Variants in TMEM132B observed in about 807,000 individuals in gnomAD.
TMEM132B encodes transmembrane protein 132B.
In TMEM132B, 18 loss-of-function variants were observed where a neutral mutation model predicts 90.8. The observed-to-expected ratio is 0.20, with a 90% CI of 0.14 to 0.29. The LOEUF is 0.29. TMEM132B is among the 10% of genes least tolerant of loss of function. TMEM132B has a pLI of 1.00. For synonymous variants in TMEM132B, 504 were observed against 523.3 expected, an observed-to-expected ratio of 0.96 and a Z score of 0.50; for missense variants, 1,096 against 1,326.8, an observed-to-expected ratio of 0.83 and a Z score of 2.70.
At chr12:125,329,291 CTGT>C (rs1464079742) in intron 1 of TMEM132B, among the ~76,000 whole-genome samples, 1 of 152,344 alleles carries the variant, frequency 6.6e-6, no homozygotes, top group East Asian at 1.9e-4. Flanking sequence ...AAATGAATAT[CTGT>C]TGTTGAAGCC....
chr12:125,339,767 G>C (rs141162065), intron 1 of TMEM132B, among the ~76,000 whole-genome samples: 1 of 152,242 alleles, frequency 6.6e-6, no homozygotes, highest in East Asian at 1.9e-4. Flanking sequence ...AGAGGAGCTA[G>C]CTACAGCGTG....
intron 3 of TMEM132B, among the ~76,000 whole-genome samples, chr12:125,518,458 G>A (rs1883223670): frequency 6.6e-6 from 1 of 152,180 alleles, no homozygotes; most frequent in African/African-American, 2.4e-5. Context: ...TGTGGCTCAG[G>A]CCTTGGGGGA....
At chr12:125,232,205 T>G (rs1250235799) in intron 1 of TMEM132B, among the ~76,000 whole-genome samples, 2 of 152,216 alleles carry the variant, frequency 1.3e-5, no homozygotes, top group African/African-American at 4.8e-5. Context: ...TTTTTCCTCA[T>G]TATAAACAAT....
chr12:125,215,097 C>T (rs1443133467), intron 1 of TMEM132B, among the ~76,000 whole-genome samples: 4 of 152,226 alleles, frequency 2.6e-5, no homozygotes, highest in Non-Finnish European at 5.9e-5. Flanking sequence ...CCTACCCTGC[C>T]ACTCCCCTGA....
intron 5 of TMEM132B, among the ~76,000 whole-genome samples, chr12:125,611,350 AAAC>A (rs1885821769): frequency 6.6e-6 from 1 of 152,032 alleles, no homozygotes; most frequent in Non-Finnish European, 1.5e-5. Context: ...ATTTTAAAAA[AAAC>A]AATTTTTGGT....
chr12:125,599,615 A>T (rs1885524362), intron 5 of TMEM132B, among the ~76,000 whole-genome samples: 1 of 152,210 alleles, frequency 6.6e-6, no homozygotes, highest in Non-Finnish European at 1.5e-5. Flanking sequence ...GGGATTCAGG[A>T]CAAAATAAAG....
intron 1 of TMEM132B, among the ~76,000 whole-genome samples, chr12:125,219,638 C>T (rs1368683873): frequency 6.6e-6 from 1 of 152,218 alleles, no homozygotes; most frequent in African/African-American, 2.4e-5. Flanking sequence ...TGCCCATCTC[C>T]TTCCATCAGG....
chr12:125,617,966 A>C (rs1886031159), intron 5 of TMEM132B, among the ~76,000 whole-genome samples: 1 of 142,450 alleles, frequency 7.0e-6, no homozygotes, highest in African/African-American at 2.7e-5. Flanking sequence ...AAAAAAAAAA[A>C]ACTCCATTAT....
chr12:125,289,675 C>T (rs1295730085), intron 1 of TMEM132B, among the ~76,000 whole-genome samples: 2 of 152,244 alleles, frequency 1.3e-5, no homozygotes, highest in Non-Finnish European at 2.9e-5. Context: ...AGAGCAGATG[C>T]ATAAGTAGAT....
intron 1 of TMEM132B, among the ~76,000 whole-genome samples, chr12:125,307,184 T>C (rs772926082): frequency 1.3e-5 from 2 of 152,220 alleles, no homozygotes; most frequent in Admixed American, 1.3e-4. Context: ...ATCCTATGCA[T>C]GTTATTATTT....
intron 4 of TMEM132B, among the ~76,000 whole-genome samples, chr12:125,552,717 G>A (rs763492709): frequency 7.9e-5 from 12 of 152,200 alleles, no homozygotes; most frequent in South Asian, 2.1e-4. Flanking sequence ...TGGTTTGACC[G>A]CATGATGTGG....
At chr12:125,554,843 CA>C (rs1884330721) in intron 4 of TMEM132B, among the ~76,000 whole-genome samples, 1 of 152,138 alleles carries the variant, frequency 6.6e-6, no homozygotes, top group Admixed American at 6.5e-5. Flanking sequence ...TTATTTTCAC[CA>C]TTTAATTTTA....
chr12:125,338,487 G>T (rs1877052190), intron 1 of TMEM132B, among the ~76,000 whole-genome samples: 1 of 152,194 alleles, frequency 6.6e-6, no homozygotes, highest in Admixed American at 6.5e-5. Context: ...GAAGCATTCT[G>T]GTTTTTCCTG....
intron 3 of TMEM132B, among the ~76,000 whole-genome samples, chr12:125,505,187 A>AC (rs1473410723): frequency 6.8e-6 from 1 of 147,350 alleles, no homozygotes; most frequent in African/African-American, 2.6e-5. Flanking sequence ...AAAAAAAAAA[A>AC]AAAAAAAACA....
At chr12:125,592,711 T>C (rs1885345630) in intron 5 of TMEM132B, among the ~76,000 whole-genome samples, 1 of 152,134 alleles carries the variant, frequency 6.6e-6, no homozygotes, top group Non-Finnish European at 1.5e-5. Flanking sequence ...ATGATCAAAG[T>C]TTCCTTAAGT....
rs1177184881 is a variant in TMEM132B, at chr12:125,354,056, G to C, written c.959+3713G>C. Among the ~76,000 whole-genome samples the C allele has an allele frequency of 2.6e-5, 4 of 152,296 alleles. No individual in the cohort carries two copies. In the East Asian group the frequency reaches 7.7e-4, roughly 29 times the overall value. On this transcript the variant is annotated intron_variant, in intron 2 of 8. Coordinates refer to ENST00000682704, the MANE Select transcript of TMEM132B (RefSeq NM_001366854.1). ...ACTGTGAGTCTGCAGCCCTCCAGCA[G>C]CCTCTTCCTTTAGGGAACCCACCAA...
At chr12:125,588,112 G>C (rs1885223122) in intron 5 of TMEM132B, 2 of 152,176 alleles carry the variant, frequency 1.3e-5, no homozygotes, top group Non-Finnish European at 2.9e-5. Context: ...AAAGACTGCA[G>C]AGGTAGTGAG....
intron 6 of TMEM132B, among the ~76,000 whole-genome samples, chr12:125,646,292 G>A (rs1159953356): frequency 6.6e-6 from 1 of 152,212 alleles, no homozygotes; most frequent in Non-Finnish European, 1.5e-5. Context: ...CAGAATGCAA[G>A]AGGATAGAGA....
intron 5 of TMEM132B, among the ~76,000 whole-genome samples, chr12:125,591,853 G>T (rs1220015306): frequency 6.6e-6 from 1 of 152,118 alleles, no homozygotes; most frequent in Non-Finnish European, 1.5e-5. Flanking sequence ...GGATTTAGGG[G>T]CCGTCCTAAT....
Sources: gnomAD v4.1 joint callset for allele counts (sites outside exome capture counted in the v4.1 genomes callset) on GRCh38, gnomAD v4.1.1 for gene constraint, MANE v1.5 for transcripts, NCBI Gene and HGNC (gene_info 2026-07-23, HGNC 2026-07-21) for gene names.